The following ADGRD1 variants were observed in gnomAD, a reference collection of about 807,000 sequenced individuals.
The protein encoded by ADGRD1 is G-protein coupled receptor 133.
Under a neutral mutation model 113.4 loss-of-function variants are expected in ADGRD1, and 77 were observed. The observed-to-expected ratio is 0.68, with a 90% CI of 0.57 to 0.82. The LOEUF (loss-of-function observed/expected upper bound fraction) is 0.82, where lower values mean the gene tolerates loss of function less well. Ranked by LOEUF, ADGRD1 falls within the 40% of genes least tolerant of loss-of-function variation. The pLI is 0.00. For synonymous variants in ADGRD1, 474 were observed against 475.0 expected (o/e 1.00, Z 0.03); for missense variants, 1,036 against 1,139.1 (o/e 0.91, Z 1.30).
At chr12:131,101,384 T>TC (rs1950080975) in intron 15 of ADGRD1, among the ~76,000 whole-genome samples, 1 of 115,782 alleles carries the variant, frequency 8.6e-6, no homozygotes, top group African/African-American at 3.5e-5. Context: ...TTTCTTTTTT[T>TC]TTTTTTTTTT....
In ADGRD1 at chr12:131,138,235, T is replaced by C; in HGVS notation, c.2529+6T>C. On this transcript the variant is annotated splice_donor_region_variant and intron_variant, in intron 24 of 24. Coordinates refer to ENST00000261654, the MANE Select transcript of ADGRD1 (RefSeq NM_198827.5). ...AGCCCTTCCACTCGGACCTCGTGAG[T>C]GCAGCCTCCATAAACCGAGGGTCCC... The C allele has an allele frequency of 6.2e-7, 1 of 1,611,304 alleles. No individual in the cohort carries two copies. Among genetic ancestry groups the C allele is most frequent in the Middle Eastern group, 1.7e-4 (1 of 6,060 alleles).
intron 13 of ADGRD1, among the ~76,000 whole-genome samples, chr12:131,038,988 A>G (rs910956975): frequency 2.6e-5 from 4 of 152,246 alleles, no homozygotes; most frequent in Non-Finnish European, 5.9e-5. Context: ...GGGAGGAGGA[A>G]GCCTATGGTC....
At chr12:131,010,646 G>A (rs995152855) in intron 12 of ADGRD1, among the ~76,000 whole-genome samples, 1 of 152,200 alleles carries the variant, frequency 6.6e-6, no homozygotes, top group Non-Finnish European at 1.5e-5. Context: ...GATGTGCTGC[G>A]TGGGGTGAAG....
chr12:131,119,918 GC>G (rs1950552466), intron 19 of ADGRD1, among the ~76,000 whole-genome samples: 1 of 152,170 alleles, frequency 6.6e-6, no homozygotes, highest in Admixed American at 6.5e-5. Context: ...AGGAATGGGG[GC>G]AGGGAGGCAG....
In ADGRD1 at chr12:131,139,387, C is replaced by T. The variant is rs192978893; in HGVS notation, c.*124C>T. On this transcript the variant is annotated 3_prime_UTR_variant, in exon 25 of 25. Transcript: ENST00000261654. ...TGTCTGGACATGGGTGTTGTGGCCCCGAGACAGCTGTCCTCCCCTGTGACT... is the reference window on the plus strand; with the variant it reads ...TGTCTGGACATGGGTGTTGTGGCCCTGAGACAGCTGTCCTCCCCTGTGACT... 144 of 680,702 alleles carry T rather than the reference C, an allele frequency of 2.1e-4. 3 individuals are homozygous for T. The Middle Eastern group carries it at 5.4e-3, about 26-fold the overall frequency. The allele number at this position is 680,702 out of a possible 1,614,324, so 42.2% of individuals were successfully genotyped here.
At position 131,108,791 on chromosome 12, in the gene ADGRD1, T is replaced by C; in HGVS notation, c.1955T>C (p.Val652Ala). Residue 652 changes from valine (V) to alanine (A), a missense_variant, in exon 18 of 25, where the codon GTG becomes GCG. Coordinates refer to ENST00000261654, the MANE Select transcript of ADGRD1 (RefSeq NM_198827.5). ...CTGAGTGCCTTCGCATGGATGCTGG[T>C]GGAGGGGCTGCACCTCTACAGCATG... is the stretch of plus-strand genomic sequence containing the variant. ...FFLSAFAWML[V>A]EGLHLYSMVI... The C allele has an allele frequency of 2.5e-6, 4 of 1,613,472 alleles. No individual in the cohort carries two copies. The highest frequency in any genetic ancestry group is 3.4e-6 in the Non-Finnish European group (4 of 1,179,904).
chr12:131,110,019 A>G (rs1284956494), intron 18 of ADGRD1, among the ~76,000 whole-genome samples: 2 of 152,232 alleles, frequency 1.3e-5, no homozygotes, highest in Non-Finnish European at 2.9e-5. Flanking sequence ...GACTCGCTCC[A>G]GCTTTCTTGC....
intron 13 of ADGRD1, among the ~76,000 whole-genome samples, chr12:131,029,587 G>A (rs1416113963): frequency 4.8e-5 from 5 of 105,112 alleles, no homozygotes; most frequent in African/African-American, 1.6e-4. Context: ...GACCCCTCAT[G>A]TGGTGACATT....
chr12:131,015,714 C>T (rs886940283), intron 13 of ADGRD1, among the ~76,000 whole-genome samples: 4 of 152,230 alleles, frequency 2.6e-5, no homozygotes, highest in Middle Eastern at 3.4e-3. Context: ...TGCATGTGAC[C>T]AGCCGTGAGC....
intron 22 of ADGRD1, among the ~76,000 whole-genome samples, chr12:131,136,675 C>T (rs1264285978): frequency 1.3e-5 from 2 of 152,370 alleles, no homozygotes; most frequent in African/African-American, 4.8e-5. Flanking sequence ...GCCAGTGGCA[C>T]GTCTTCCGGA....
intron 13 of ADGRD1, among the ~76,000 whole-genome samples, chr12:131,028,499 T>C (rs937220611): frequency 6.6e-6 from 1 of 152,220 alleles, no homozygotes; most frequent in Admixed American, 6.5e-5. Flanking sequence ...TATGTCTTGG[T>C]GGAGGAATCC....
rs1333764913 is a variant in ADGRD1 at position 130,966,597 on chromosome 12, A to G, written c.187+51A>G. On this transcript the variant is annotated intron_variant, in intron 3 of 24. Transcript: ENST00000261654. The surrounding 1 kb of genome is among the most constrained non-coding windows in gnomAD (Gnocchi z 4.6). The stretch of plus-strand genomic sequence containing the variant: ...CTGTGGGCGCGGGAATCCCAGGGCC[A>G]TCAGGAGGCGTGGGTGCTGAGAGTG... 8.8e-7 allele frequency: 1 copy of G among 1,131,284 alleles called. No homozygotes were observed. The highest frequency in any genetic ancestry group is 1.5e-5 in the African/African-American group (1 of 65,636). The allele number at this position is 1,131,284 out of a possible 1,614,324, so 70.1% of individuals were successfully genotyped here.
At chr12:130,955,743 G>T (rs945569680) in intron 2 of ADGRD1, among the ~76,000 whole-genome samples, 3 of 152,160 alleles carry the variant, frequency 2.0e-5, no homozygotes, top group African/African-American at 7.2e-5. Flanking sequence ...GTATGGCCCT[G>T]CCTGTCTCTG....
intron 13 of ADGRD1, among the ~76,000 whole-genome samples, chr12:131,047,608 C>A (rs1402559642): frequency 2.0e-5 from 3 of 152,196 alleles, no homozygotes; most frequent in African/African-American, 7.2e-5. Context: ...ACTTCCTCTG[C>A]CGGGCTGGGG....
At position 131,105,083 on chromosome 12, in the gene ADGRD1, G is replaced by A. The variant is rs937073745; in HGVS notation, c.1775+149G>A. ...AAGGTCTGGAAAGGCCCCCAGCCCA[G>A]GCACAGGAATTCTGGTGGAACCCGA... is the stretch of plus-strand genomic sequence containing the variant. On this transcript the variant is annotated intron_variant, in intron 16 of 24. Transcript: ENST00000261654. 9.6e-6 allele frequency: 6 copies of A among 624,320 alleles called. No homozygotes were observed. The African/African-American group carries it at 1.1e-4, about 12-fold the overall frequency. The allele number at this position is 624,320 out of a possible 1,614,324, so 38.7% of individuals were successfully genotyped here. A position where few individuals can be genotyped will look rare whatever the true frequency, so the allele number is the denominator to read the frequency against.
intron 4 of ADGRD1, chr12:130,976,878 T>C (rs1323778904): frequency 6.6e-6 from 1 of 151,074 alleles, no homozygotes; most frequent in East Asian, 1.9e-4. Context: ...AAAAAAAATT[T>C]AGCAGGGCGA....
chr12:131,100,017 CAGT>C (rs1413018122), intron 15 of ADGRD1, among the ~76,000 whole-genome samples: 1 of 151,336 alleles, frequency 6.6e-6, no homozygotes, highest in Non-Finnish European at 1.5e-5. Context: ...GGTTGGTTGA[CAGT>C]AGGTTGGTTG....
At chr12:131,071,649 GCAAC>G (rs1885178581) in intron 13 of ADGRD1, among the ~76,000 whole-genome samples, 5 of 152,232 alleles carry the variant, frequency 3.3e-5, no homozygotes, top group African/African-American at 1.2e-4. Context: ...GCCACAGAGG[GCAAC>G]TTGTGCACGC....
chr12:131,105,668 A>G (rs1950217329), intron 16 of ADGRD1, 86 bp from the exon 17 acceptor site: 3 of 945,698 alleles, frequency 3.2e-6, no homozygotes, highest in East Asian at 5.2e-5. Flanking sequence ...AGGAATGGAT[A>G]TAGGGACTTC....
Sources: gnomAD v4.1 joint callset for allele counts (sites outside exome capture counted in the v4.1 genomes callset) on GRCh38, gnomAD v4.1.1 for gene constraint, Gnocchi (gnomAD v3.1) non-coding constraint, MANE v1.5 for transcripts, NCBI Gene and HGNC (gene_info 2026-07-23, HGNC 2026-07-21) for gene names.